Variants in TMEM132B observed in about 807,000 individuals in gnomAD.
TMEM132B encodes the protein transmembrane protein 132B.
In TMEM132B, 18 loss-of-function variants were observed where a neutral mutation model predicts 90.8. The observed-to-expected ratio is 0.20, with a 90% CI of 0.14 to 0.29. The LOEUF is 0.29. Ranked by LOEUF, TMEM132B falls within the 10% of genes least tolerant of loss-of-function variation. The pLI is 1.00. For missense variants in TMEM132B, 1,096 were observed against 1,326.8 expected, an observed-to-expected ratio of 0.83 and a Z score of 2.70; for synonymous variants, 504 against 523.3, an observed-to-expected ratio of 0.96 and a Z score of 0.50.
rs150962071 is a variant in TMEM132B, at chr12:125,265,531, G to C, written c.67+78665G>C. Among the ~76,000 whole-genome samples, 234 of 152,214 alleles carry C rather than the reference G, an allele frequency of 1.5e-3. 1 individual carries two copies. Among genetic ancestry groups the C allele is most frequent in the African/African-American group, 5.4e-3 (224 of 41,526 alleles). On this transcript the variant is annotated intron_variant, in intron 1 of 8. Transcript: ENST00000682704. ...GTAACTGAAACCACAGAAAGTGAGAGCAAGGAAAAAGGGAGACTACTGTAT... is the reference window on the plus strand; with the variant it reads ...GTAACTGAAACCACAGAAAGTGAGACCAAGGAAAAAGGGAGACTACTGTAT...
At chr12:125,653,444 A>T in intron 8 of TMEM132B, 121 bp from the exon 9 acceptor site, 3 of 1,167,974 alleles carry the variant, frequency 2.6e-6, no homozygotes, top group Non-Finnish European at 3.5e-6. Flanking sequence ...ACTGTTCAAG[A>T]TTATAAAACT....
At chr12:125,269,422 ATT>A (rs893606806) in intron 1 of TMEM132B, among the ~76,000 whole-genome samples, 2 of 151,984 alleles carry the variant, frequency 1.3e-5, no homozygotes, top group Non-Finnish European at 2.9e-5. Context: ...TTTAAATGAC[ATT>A]TTTCTTGAAG....
At chr12:125,560,567 A>G (rs999621116) in intron 4 of TMEM132B, among the ~76,000 whole-genome samples, 2 of 152,182 alleles carry the variant, frequency 1.3e-5, no homozygotes, top group Non-Finnish European at 2.9e-5. Context: ...TCACGCCTGT[A>G]ATCCCAGCAC....
intron 3 of TMEM132B, among the ~76,000 whole-genome samples, chr12:125,486,505 CT>C (rs1358080349): frequency 5.9e-5 from 9 of 152,302 alleles, no homozygotes; most frequent in Non-Finnish European, 2.9e-5. Context: ...CACATTTCTG[CT>C]GCAGATGGGA....
chr12:125,560,551 G>A (rs1020051132), intron 4 of TMEM132B, among the ~76,000 whole-genome samples: 8 of 152,176 alleles, frequency 5.3e-5, no homozygotes, highest in Middle Eastern at 3.4e-3. Flanking sequence ...GGCCGGGCGC[G>A]GTGGCTCACG....
intron 2 of TMEM132B, among the ~76,000 whole-genome samples, chr12:125,356,697 A>AT (rs1361013866): frequency 6.6e-6 from 1 of 152,182 alleles, no homozygotes; most frequent in Non-Finnish European, 1.5e-5. Flanking sequence ...TCAGGCCGCC[A>AT]TGTTGCCTAC....
At chr12:125,326,750 C>A in intron 1 of TMEM132B, 1 of 1,443,992 alleles carries the variant, frequency 6.9e-7, no homozygotes, top group South Asian at 1.3e-5. Flanking sequence ...TTTCCTATGT[C>A]CTATTCAGAT....
intron 3 of TMEM132B, among the ~76,000 whole-genome samples, chr12:125,449,674 T>C (rs1237823658): frequency 7.9e-6 from 1 of 126,818 alleles, no homozygotes; most frequent in Non-Finnish European, 1.6e-5. Flanking sequence ...GTGTATCAAA[T>C]TGTGGGGTTT....
chr12:125,284,424 G>C (rs79582545), intron 1 of TMEM132B, among the ~76,000 whole-genome samples: 10,361 of 152,214 alleles, frequency 0.068, 374 homozygotes, highest in Non-Finnish European at 0.08. Context: ...CTGTAGCAGT[G>C]GACAGAACAA....
intron 5 of TMEM132B, among the ~76,000 whole-genome samples, chr12:125,589,781 G>A (rs144777626): frequency 6.6e-6 from 1 of 152,226 alleles, no homozygotes; most frequent in African/African-American, 2.4e-5. Flanking sequence ...AAGTGGGATG[G>A]TGCTGAATCA....
chr12:125,267,861 G>C (rs1874732647), intron 1 of TMEM132B, among the ~76,000 whole-genome samples: 1 of 152,142 alleles, frequency 6.6e-6, no homozygotes, highest in Non-Finnish European at 1.5e-5. Flanking sequence ...TCTTGGTTCG[G>C]TGTAAGAAAT....
chr12:125,601,309 T>G (rs1215377096), intron 5 of TMEM132B, among the ~76,000 whole-genome samples: 2 of 152,130 alleles, frequency 1.3e-5, no homozygotes, highest in Non-Finnish European at 2.9e-5. Flanking sequence ...ATTAAGAAAC[T>G]CACTCAAAAC....
chr12:125,572,393 C>T (rs1884820790), intron 4 of TMEM132B, among the ~76,000 whole-genome samples: 1 of 152,174 alleles, frequency 6.6e-6, no homozygotes, highest in Non-Finnish European at 1.5e-5. Context: ...CCTTTTTGCC[C>T]TCTGCCTTCT....
intron 1 of TMEM132B, among the ~76,000 whole-genome samples, chr12:125,196,134 A>G (rs1872920434): frequency 6.6e-6 from 1 of 152,192 alleles, no homozygotes; most frequent in Non-Finnish European, 1.5e-5. Context: ...GTTGCTGCAG[A>G]GGAGGTGAGA....
At chr12:125,237,394 A>G (rs1431526109) in intron 1 of TMEM132B, among the ~76,000 whole-genome samples, 2 of 152,032 alleles carry the variant, frequency 1.3e-5, no homozygotes, top group Admixed American at 6.6e-5. Flanking sequence ...CTCTCCTACC[A>G]CCCTGTTCAT....
Position 125,445,355 on chromosome 12 carries a change from T to G in TMEM132B, c.1106+29678T>G, listed in dbSNP as rs955192017. ...CTCTTCATTTGTAAATTGGCTATACTAATGTACCTACCTTTCCCAGTTATA... is the reference window on the plus strand; with the variant it reads ...CTCTTCATTTGTAAATTGGCTATACGAATGTACCTACCTTTCCCAGTTATA... On this transcript the variant is annotated intron_variant, in intron 3 of 8. Transcript: ENST00000682704. This position sits in a 1 kb window ranked among gnomAD's most constrained non-coding sequence, Gnocchi z 4.3. Among the ~76,000 whole-genome samples the G allele has an allele frequency of 6.6e-6, 1 of 152,204 alleles. No individual in the cohort carries two copies. The highest frequency in any genetic ancestry group is 1.5e-5 in the Non-Finnish European group (1 of 68,046).
chr12:125,473,680 G>T (rs375427774), intron 3 of TMEM132B, among the ~76,000 whole-genome samples: 1 of 152,192 alleles, frequency 6.6e-6, no homozygotes. Flanking sequence ...CATTCCACAA[G>T]TAATCTGGGA....
chr12:125,405,851 C>T (rs1879457391), intron 2 of TMEM132B, among the ~76,000 whole-genome samples: 1 of 152,180 alleles, frequency 6.6e-6, no homozygotes, highest in African/African-American at 2.4e-5. Flanking sequence ...GGAGTGGCCT[C>T]AGTAAAGCTC....
chr12:125,211,420 A>G (rs915507776), intron 1 of TMEM132B, among the ~76,000 whole-genome samples: 1 of 152,172 alleles, frequency 6.6e-6, no homozygotes, highest in African/African-American at 2.4e-5. Context: ...CTACCTCCCC[A>G]AAGTCAGCCT....
Sources: allele counts gnomAD v4.1 joint callset (sites outside exome capture counted in the v4.1 genomes callset), GRCh38; gene constraint gnomAD v4.1.1; non-coding constraint Gnocchi (gnomAD v3.1); transcripts MANE v1.5; gene names NCBI Gene and HGNC (gene_info 2026-07-23, HGNC 2026-07-21).